The following KIF11 variants were observed in gnomAD, a reference collection of about 807,000 sequenced individuals.
KIF11 encodes the protein kinesin-like protein KIF11.
Under a neutral mutation model 121.0 loss-of-function variants are expected in KIF11, and 9 were observed. That is an observed-to-expected ratio of 0.07 (90% CI 0.04 to 0.13). KIF11 has a LOEUF of 0.13. Among genes scored for constraint, KIF11 ranks in the 10% least tolerant of loss-of-function variants. The pLI is 1.00. For synonymous variants in KIF11, 408 were observed against 421.0 expected (o/e 0.97, Z 0.38); for missense variants, 846 against 1,217.5 (o/e 0.69, Z 4.54).
At chr10:92,628,924 A>T in intron 11 of KIF11, 29 bp downstream of exon 11, 1 of 1,146,918 alleles carries the variant, frequency 8.7e-7, no homozygotes, top group Non-Finnish European at 1.3e-6. Context: ...ATTTACTGTT[A>T]TGTGAAAAGC....
intron 17 of KIF11, 87 bp downstream of exon 17, chr10:92,639,987 T>C: frequency 1.5e-6 from 1 of 658,270 alleles, no homozygotes; most frequent in Non-Finnish European, 2.6e-6. Flanking sequence ...AAATAATTCC[T>C]CTGTGTACTT....
rs540816877 is a variant in KIF11 at position 92,625,548 on chromosome 10, C to T, written c.1218-3260C>T. ...ATTTTTAGTAGAGATGGGATTTCAC[C>T]ATGTTGGCCAGGCTGGTCTTGAATT... is the stretch of plus-strand genomic sequence containing the variant. On this transcript the variant is annotated intron_variant, in intron 10 of 21. Coordinates refer to ENST00000260731, the MANE Select transcript of KIF11 (RefSeq NM_004523.4). Among the ~76,000 whole-genome samples, 11 of 152,074 alleles carry T rather than the reference C, an allele frequency of 7.2e-5. No individual in the cohort carries two copies. The South Asian group carries it at 2.3e-3, about 32-fold the overall frequency.
chr10:92,615,341 G>A (rs1415478387), intron 8 of KIF11, among the ~76,000 whole-genome samples: 2 of 152,020 alleles, frequency 1.3e-5, no homozygotes, highest in Non-Finnish European at 2.9e-5. Context: ...AGGAGGTGGA[G>A]ATTGTAGTGA....
intron 18 of KIF11, among the ~76,000 whole-genome samples, chr10:92,647,972 G>A (rs1844937986): frequency 6.6e-6 from 1 of 151,978 alleles, no homozygotes; most frequent in Non-Finnish European, 1.5e-5. Context: ...AGCCAGGCAT[G>A]GTGGTACATG....
intron 21 of KIF11, among the ~76,000 whole-genome samples, chr10:92,652,458 G>A (rs1211109505): frequency 1.3e-5 from 2 of 152,048 alleles, no homozygotes; most frequent in Non-Finnish European, 2.9e-5. Context: ...TTTTTTAATA[G>A]ATCTACAGCT....
chr10:92,631,070 G>C (rs1844733405), intron 12 of KIF11, among the ~76,000 whole-genome samples: 1 of 150,988 alleles, frequency 6.6e-6, no homozygotes, highest in African/African-American at 2.4e-5. Context: ...TGGATTGCTT[G>C]AGGTTAGGAG....
At chr10:92,628,400 C>A (rs978775186) in intron 10 of KIF11, among the ~76,000 whole-genome samples, 5 of 152,138 alleles carry the variant, frequency 3.3e-5, no homozygotes, top group African/African-American at 9.7e-5. Flanking sequence ...CCACATTTTT[C>A]CAGCATTCTG....
rs575346091 is a variant in KIF11 at position 92,595,087 on chromosome 10, G to A, written c.77+1635G>A. Among the ~76,000 whole-genome samples, 7 of 152,130 alleles carry A rather than the reference G, an allele frequency of 4.6e-5. No homozygotes were observed. In the South Asian group the frequency reaches 8.3e-4, roughly 18 times the overall value. On this transcript the variant is annotated intron_variant, in intron 1 of 21. Transcript: ENST00000260731. ...GTGGTTTATCAGTTTTTTTTGAGAC[G>A]GAGTCTCGCTCTCTTAGGCCGTAGT...
intron 21 of KIF11, 56 bp downstream of exon 21, chr10:92,650,573 C>T: frequency 1.0e-6 from 1 of 975,480 alleles, no homozygotes; most frequent in Middle Eastern, 2.2e-4. Flanking sequence ...ATTTACTATT[C>T]ATTATAAAGG....
At chr10:92,607,036 C>G (rs1844437912) in intron 3 of KIF11, 123 bp from the exon 4 acceptor site, 2 of 647,442 alleles carry the variant, frequency 3.1e-6, no homozygotes, top group Non-Finnish European at 5.5e-6. Context: ...CTCGGCCTCC[C>G]AAAGTGTTGG....
chr10:92,616,307 C>T (rs908789783), intron 8 of KIF11, among the ~76,000 whole-genome samples: 10 of 151,592 alleles, frequency 6.6e-5, no homozygotes, highest in African/African-American at 2.4e-4. Context: ...AAGTGATCCT[C>T]CCACCTTAGA....
chr10:92,631,529 T>C (rs1844738846), intron 12 of KIF11, among the ~76,000 whole-genome samples: 1 of 147,540 alleles, frequency 6.8e-6, no homozygotes, highest in Non-Finnish European at 1.5e-5. Flanking sequence ...GCCCGGCTAA[T>C]TTTTTGTATT....
intron 18 of KIF11, 113 bp downstream of exon 18, chr10:92,645,755 A>G: frequency 1.2e-6 from 1 of 838,908 alleles, no homozygotes; most frequent in East Asian, 2.6e-5. Flanking sequence ...ATAATGACTT[A>G]AACTTTTAAG....
chr10:92,651,169 G>A lies in KIF11; in HGVS notation c.3039+652G>A, dbSNP rs183895624. ...GCCTCCCGGGTAGCTAGGATTACAGGCATGCACCACCACACCTGGCTAATT... is the reference window on the plus strand; with the variant it reads ...GCCTCCCGGGTAGCTAGGATTACAGACATGCACCACCACACCTGGCTAATT... On this transcript the variant is annotated intron_variant, in intron 21 of 21. Transcript: ENST00000260731. Among the ~76,000 whole-genome samples the A allele has an allele frequency of 2.8e-3, 433 of 151,938 alleles. 1 individual carries two copies. The highest frequency in any genetic ancestry group is 5.2e-3 in the Non-Finnish European group (353 of 67,930).
chr10:92,609,298 GA>G, intron 5 of KIF11, 86 bp from the exon 6 acceptor site: 1 of 863,608 alleles, frequency 1.2e-6, no homozygotes, highest in Non-Finnish European at 1.5e-6. Flanking sequence ...GAGAGAGAGA[GA>G]GAGAGTGTGT....
rs34357393 is a variant in KIF11, at chr10:92,648,108, CA to C, written c.2548-90del. 258,176 of 666,682 alleles carry C rather than the reference CA, an allele frequency of 0.39. 14,545 individuals carry two copies. Among genetic ancestry groups the C allele is most frequent in the East Asian group, 0.53 (15,279 of 29,040 alleles). 41.3% of individuals were successfully genotyped at this position (666,682 alleles called of 1,614,324 possible). Reference sequence around the variant, plus strand: ...TGGGCAACAGAGTGAGACTTGTCTCCAAAAAAAAAAAAAATTATGGAAAAGG... The same window carrying C: ...TGGGCAACAGAGTGAGACTTGTCTCCAAAAAAAAAAAAATTATGGAAAAGG... On this transcript the variant is annotated intron_variant, in intron 18 of 21. Coordinates refer to ENST00000260731, the MANE Select transcript of KIF11 (RefSeq NM_004523.4).
intron 17 of KIF11, among the ~76,000 whole-genome samples, chr10:92,642,401 C>T (rs1443748593): frequency 6.6e-6 from 1 of 152,110 alleles, no homozygotes; most frequent in Non-Finnish European, 1.5e-5. Context: ...TGTGTGCTAC[C>T]CACATGAGAA....
intron 16 of KIF11, among the ~76,000 whole-genome samples, chr10:92,638,258 T>C (rs548331174): frequency 6.6e-6 from 1 of 152,298 alleles, no homozygotes; most frequent in African/African-American, 2.4e-5. Context: ...CTCCCATCAA[T>C]ATAGATATAA....
At chr10:92,606,847 G>A (rs1844435799) in intron 3 of KIF11, 131 bp downstream of exon 3, 3 of 666,800 alleles carry the variant, frequency 4.5e-6, no homozygotes, top group East Asian at 2.6e-5. Flanking sequence ...GCGCGATCTC[G>A]GCTCACTGCA....
Sources: gnomAD v4.1 joint callset for allele counts (sites outside exome capture counted in the v4.1 genomes callset) on GRCh38, gnomAD v4.1.1 for gene constraint, MANE v1.5 for transcripts, NCBI Gene and HGNC (gene_info 2026-07-23, HGNC 2026-07-21) for gene names.